Variants in ADGRF5 observed in about 807,000 individuals in gnomAD.
ADGRF5 encodes the protein G-protein coupled receptor 116.
A neutral mutation model predicts 132.3 loss-of-function variants in ADGRF5; 75 were observed. The ratio of observed to expected loss-of-function variants is 0.57; its 90% CI spans 0.47 to 0.69. The LOEUF (loss-of-function observed/expected upper bound fraction) is 0.69, where lower values mean the gene tolerates loss of function less well. Among genes scored for constraint, ADGRF5 ranks in the 30% least tolerant of loss-of-function variants. The pLI is 0.00. For missense variants in ADGRF5, 1,516 were observed against 1,630.6 expected (o/e 0.93, Z 1.21); for synonymous variants, 629 against 597.6 (o/e 1.05, Z -0.77).
intron 1 of ADGRF5, among the ~76,000 whole-genome samples, chr6:46,929,728 A>G (rs535350351): frequency 3.9e-5 from 6 of 152,196 alleles, no homozygotes; most frequent in African/African-American, 1.4e-4. Flanking sequence ...TGTCTGGCTC[A>G]TGACTTAGAG....
intron 1 of ADGRF5, among the ~76,000 whole-genome samples, chr6:46,944,991 A>G (rs1456333417): frequency 2.0e-5 from 3 of 152,194 alleles, no homozygotes; most frequent in African/African-American, 7.2e-5. Context: ...CATGGCTTTG[A>G]AAGAAGAGTA....
intron 10 of ADGRF5, among the ~76,000 whole-genome samples, chr6:46,877,673 A>G (rs934062736): frequency 6.6e-6 from 1 of 152,162 alleles, no homozygotes; most frequent in Non-Finnish European, 1.5e-5. Flanking sequence ...CAGAAATCAT[A>G]TGAAATGACT....
At position 46,862,561 on chromosome 6, in the gene ADGRF5, T is replaced by C. The variant is rs545438622; in HGVS notation, c.2199+327A>G. 3.9e-5 allele frequency among the ~76,000 whole-genome samples: 6 copies of C among 152,122 alleles called. No homozygotes were observed. The South Asian group carries it at 8.3e-4, about 21-fold the overall frequency. ...GCAATTTTCTTGGTATCAAAATTAC[T>C]CAAAGGAGAGCAATAAGAGAGAGGA... is the stretch of plus-strand genomic sequence containing the variant. On this transcript the variant is annotated intron_variant, in intron 15 of 20. Coordinates refer to ENST00000283296, the MANE Select transcript of ADGRF5 (RefSeq NM_001098518.2).
chr6:46,882,038 A>G lies in ADGRF5; in HGVS notation c.671+11T>C. ...CATAAATTAGAAATGATCAAATTAA[A>G]GTATTCTTACTTGAACCCTGTCACA... On this transcript the variant is annotated intron_variant, in intron 7 of 20. Transcript: ENST00000283296. 6.3e-7 allele frequency: 1 copy of G among 1,581,832 alleles called. No individual in the cohort carries two copies. Among genetic ancestry groups the G allele is most frequent in the Non-Finnish European group, 8.7e-7 (1 of 1,150,508 alleles).
chr6:46,888,023 T>A, intron 4 of ADGRF5: 1 of 237,654 alleles, frequency 4.2e-6, no homozygotes, highest in Non-Finnish European at 8.3e-6. Flanking sequence ...GTAGTTTATC[T>A]GCCCAAGGGA....
Position 46,858,809 on chromosome 6 carries a change from C to G in ADGRF5, c.3094G>C (p.Val1032Leu). 1.2e-6 allele frequency: 2 copies of G among 1,614,168 alleles called. No homozygotes were observed. The highest frequency in any genetic ancestry group is 1.1e-5 in the South Asian group (1 of 91,082). ...FSILSLAACL[V>L]VEAVVWKSVT... is the part of the protein sequence containing the mutation. The stretch of plus-strand genomic sequence containing the variant: ...GATTTCCACACCACAGCTTCCACAA[C>G]TAGACAGGCTGCCAAGCTCAAGATG... The change falls in exon 17 of 21, where the codon GTT becomes CTT. Residue 1032 changes from valine (V) to leucine (L), a missense_variant. This residue lies in a region of ADGRF5 where 571 missense variants were observed against 701.2 expected (regional missense o/e 0.81). Coordinates refer to ENST00000283296, the MANE Select transcript of ADGRF5 (RefSeq NM_001098518.2).
chr6:46,930,723 T>C (rs1276845246), intron 1 of ADGRF5, among the ~76,000 whole-genome samples: 2 of 152,228 alleles, frequency 1.3e-5, no homozygotes, highest in Non-Finnish European at 2.9e-5. Context: ...CTTAGCAGTA[T>C]CCTTGCCTCA....
At chr6:46,872,891 T>A (rs778165950) in intron 10 of ADGRF5, among the ~76,000 whole-genome samples, 1 of 152,350 alleles carries the variant, frequency 6.6e-6, no homozygotes, top group African/African-American at 2.4e-5. Context: ...TGTGTCTTTT[T>A]CAGCCGTGGC....
chr6:46,860,759 G>A lies in ADGRF5; in HGVS notation c.2335C>T (p.Leu779=), dbSNP rs774662003. 6.2e-7 allele frequency: 1 copy of A among 1,613,898 alleles called. No homozygotes were observed. Among genetic ancestry groups the A allele is most frequent in the South Asian group, 1.1e-5 (1 of 91,062 alleles). ...ACTTGGGTTGGAACTGTTGAGAGCA[G>A]ATCAAGGATGTTAATAATGGCTCCC... The part of the protein sequence containing the change: ...SLGAIINILD[L]LSTVPTQVNS... Residue 779 remains leucine (L), a synonymous_variant, in exon 16 of 21, where the codon CTG becomes TTG. Transcript: ENST00000283296.
intron 11 of ADGRF5, among the ~76,000 whole-genome samples, chr6:46,871,182 G>A (rs1042785147): frequency 2.0e-5 from 3 of 152,058 alleles, no homozygotes; most frequent in African/African-American, 7.2e-5. Flanking sequence ...ATTTTTGTAA[G>A]ACAGGTGGAA....
chr6:46,900,323 A>T (rs1774624698), intron 2 of ADGRF5, among the ~76,000 whole-genome samples: 1 of 152,178 alleles, frequency 6.6e-6, no homozygotes, highest in Non-Finnish European at 1.5e-5. Flanking sequence ...CTAGACCAGG[A>T]ACAGAAGAAA....
At chr6:46,855,329 C>G (rs1216607223) in intron 20 of ADGRF5, among the ~76,000 whole-genome samples, 1 of 152,166 alleles carries the variant, frequency 6.6e-6, no homozygotes, top group Admixed American at 6.5e-5. Flanking sequence ...ATGTACCATA[C>G]TAAGCACTTT....
At chr6:46,890,522 A>G (rs1219807482) in intron 3 of ADGRF5, among the ~76,000 whole-genome samples, 1 of 49,264 alleles carries the variant, frequency 2.0e-5, no homozygotes, top group East Asian at 6.4e-4. Flanking sequence ...GTTCGAGACC[A>G]GCCTGGCCAA....
chr6:46,889,022 T>C (rs1201801007), intron 3 of ADGRF5, among the ~76,000 whole-genome samples: 1 of 151,984 alleles, frequency 6.6e-6, no homozygotes, highest in Non-Finnish European at 1.5e-5. Flanking sequence ...TCAACAAAAG[T>C]TTGGCAAATT....
chr6:46,869,522 C>A (rs944980396), intron 11 of ADGRF5, among the ~76,000 whole-genome samples: 1 of 152,166 alleles, frequency 6.6e-6, no homozygotes, highest in African/African-American at 2.4e-5. Flanking sequence ...TTTAATAATA[C>A]CACATTGTGT....
intron 1 of ADGRF5, among the ~76,000 whole-genome samples, chr6:46,952,976 G>T (rs923857626): frequency 1.3e-5 from 2 of 152,202 alleles, no homozygotes; most frequent in African/African-American, 4.8e-5. Context: ...AAGATGAATA[G>T]AGGTGTCCCA....
chr6:46,868,805 C>T (rs981650612), intron 12 of ADGRF5, 78 bp downstream of exon 12: 3 of 883,504 alleles, frequency 3.4e-6, no homozygotes, highest in Non-Finnish European at 5.4e-6. Context: ...TCAAAGAAGA[C>T]CCTACACAGA....
At chr6:46,898,029 T>C (rs1774365212) in intron 3 of ADGRF5, among the ~76,000 whole-genome samples, 1 of 152,224 alleles carries the variant, frequency 6.6e-6, no homozygotes, top group African/African-American at 2.4e-5. Flanking sequence ...GGTCCATGTA[T>C]AATAAATGGA....
chr6:46,862,303 T>C (rs1258553416), intron 15 of ADGRF5, among the ~76,000 whole-genome samples: 2 of 152,212 alleles, frequency 1.3e-5, no homozygotes, highest in Non-Finnish European at 2.9e-5. Flanking sequence ...AAATCAAGTG[T>C]GGAGGTCCCA....
Sources: gnomAD v4.1 joint callset for allele counts (sites outside exome capture counted in the v4.1 genomes callset) on GRCh38, gnomAD v4.1.1 for gene constraint, gnomAD v4.1.1 regional missense constraint, MANE v1.5 for transcripts, NCBI Gene and HGNC (gene_info 2026-07-23, HGNC 2026-07-21) for gene names.